NAV2: variants seen among roughly 807,000 people sequenced by gnomAD.
NAV2 encodes the protein neuron navigator 2, also known as helicase, APC down-regulated 1.
In NAV2, 54 loss-of-function variants were observed where a neutral mutation model predicts 223.2. That is an observed-to-expected ratio of 0.24 (90% CI 0.19 to 0.30). NAV2 has a LOEUF of 0.30. NAV2 is among the 10% of genes least tolerant of loss of function. The probability of loss-of-function intolerance (pLI) is 1.00; values close to 1 mark genes in which losing one functional copy is unlikely to be tolerated. For synonymous variants in NAV2, 1,279 were observed against 1,239.3 expected (o/e 1.03, Z -0.67); for missense variants, 2,806 against 3,147.5 (o/e 0.89, Z 2.60).
upstream of NAV2, among the ~76,000 whole-genome samples, chr11:19,347,256 A>G (rs550514436): frequency 1.4e-4 from 22 of 152,354 alleles, no homozygotes; most frequent in Non-Finnish European, 2.9e-4. Flanking sequence ...GGCACCTGGA[A>G]TCCTAAATTG....
At chr11:19,721,856 A>G (rs1331379996) in intron 1 of NAV2, among the ~76,000 whole-genome samples, 1 of 152,234 alleles carries the variant, frequency 6.6e-6, no homozygotes, top group Non-Finnish European at 1.5e-5. Flanking sequence ...GTCAGTAAGT[A>G]ACTTAACTCT....
In NAV2 at chr11:20,045,664, T is replaced by C; in HGVS notation, c.3896T>C (p.Leu1299Pro). The change falls in exon 14 of 38, where the codon CTC becomes CCC. Residue 1299 changes from leucine to proline, a missense_variant. Physicochemically the swap from Leu to Pro is moderately conservative, Grantham distance 98 (BLOSUM62 -3). Coordinates refer to ENST00000349880, the MANE Select transcript of NAV2 (RefSeq NM_145117.5). ...AKYPDVASPT[L>P]RRLFGGKPTK... Reference sequence around the variant, plus strand: ...TACCCAGATGTGGCCTCTCCCACACTCCGCAGGTAAGTGAGTACATAAATG... The same window carrying C: ...TACCCAGATGTGGCCTCTCCCACACCCCGCAGGTAAGTGAGTACATAAATG... 53 of 1,612,554 alleles carry C rather than the reference T, an allele frequency of 3.3e-5. No homozygotes were observed. The highest frequency in any genetic ancestry group is 4.3e-5 in the Non-Finnish European group (51 of 1,178,810).
intron 1 of NAV2, among the ~76,000 whole-genome samples, chr11:19,576,688 C>T (rs1395678006): frequency 2.0e-5 from 3 of 152,212 alleles, no homozygotes; most frequent in Non-Finnish European, 4.4e-5. Flanking sequence ...CCAAAGAGAG[C>T]TCTTAAACCT....
intron 1 of NAV2, chr11:19,760,015 G>A (rs1297753842): frequency 6.5e-6 from 1 of 154,050 alleles, no homozygotes; most frequent in Non-Finnish European, 1.5e-5. Flanking sequence ...AAATACATAG[G>A]TGTTATCCTG....
chr11:19,381,456 C>G (rs962633590), intron 1 of NAV2, among the ~76,000 whole-genome samples: 1 of 152,182 alleles, frequency 6.6e-6, no homozygotes, highest in Non-Finnish European at 1.5e-5. Flanking sequence ...GGGGATCTTT[C>G]AAAATCTGGG....
chr11:20,079,028 T>C (rs2059930464), intron 24 of NAV2, among the ~76,000 whole-genome samples: 1 of 152,184 alleles, frequency 6.6e-6, no homozygotes, highest in Non-Finnish European at 1.5e-5. Flanking sequence ...CTAGTGTTCA[T>C]AGATGAGAGT....
chr11:20,062,143 T>C (rs2058745925), intron 19 of NAV2, among the ~76,000 whole-genome samples, 164 bp from the exon 20 acceptor site: 1 of 152,212 alleles, frequency 6.6e-6, no homozygotes, highest in South Asian at 2.1e-4. Flanking sequence ...AACTATTACT[T>C]ATTTGTCACT....
chr11:20,055,822 A>G lies in NAV2; in HGVS notation c.4696A>G (p.Thr1566Ala), dbSNP rs1177508183. The stretch of plus-strand genomic sequence containing the variant: ...CTTGTCCAACCCGACCATGCTGAGG[A>G]CTCACAGCCTCTCCAATGCTGATGG... ...MSLSNPTMLR[T>A]HSLSNADGQY... Residue 1566 changes from threonine to alanine, a missense_variant, in exon 19 of 38, where the codon ACT (threonine) becomes GCT (alanine). Coordinates refer to ENST00000349880, the MANE Select transcript of NAV2 (RefSeq NM_145117.5). 6.2e-7 allele frequency: 1 copy of G among 1,614,068 alleles called. No individual in the cohort carries two copies.
At chr11:19,883,992 C>A (rs1359351155) in intron 5 of NAV2, among the ~76,000 whole-genome samples, 1 of 152,098 alleles carries the variant, frequency 6.6e-6, no homozygotes, top group Admixed American at 6.6e-5. Context: ...TGTGAGGGAC[C>A]CCATATTTTG....
At chr11:19,548,712 C>CG (rs1226250759) in intron 1 of NAV2, among the ~76,000 whole-genome samples, 9 of 127,002 alleles carry the variant, frequency 7.1e-5, no homozygotes, top group Non-Finnish European at 3.4e-5. Flanking sequence ...ACTAAAGATA[C>CG]AAAAAAAAAA....
intron 1 of NAV2, among the ~76,000 whole-genome samples, chr11:19,580,595 A>C (rs917947362): frequency 2.0e-5 from 3 of 152,206 alleles, no homozygotes; most frequent in Admixed American, 1.3e-4. Flanking sequence ...TGAGTTTTGC[A>C]GGGAATGAAT....
chr11:20,077,411 T>TG (rs1475968031), intron 22 of NAV2, 141 bp from the exon 23 acceptor site: 7 of 607,382 alleles, frequency 1.2e-5, no homozygotes. Flanking sequence ...CAAAGAGTGG[T>TG]GGGGAGTGGG....
At chr11:19,528,050 T>C (rs1296620930) in intron 1 of NAV2, among the ~76,000 whole-genome samples, 2 of 152,118 alleles carry the variant, frequency 1.3e-5, no homozygotes, top group South Asian at 2.1e-4. Flanking sequence ...CCCAGAGCTT[T>C]GTGAAATCAA....
chr11:20,046,128 G>GT (rs1230642076), intron 14 of NAV2, among the ~76,000 whole-genome samples: 1 of 152,138 alleles, frequency 6.6e-6, no homozygotes, highest in Admixed American at 6.5e-5. Context: ...GAGGTCAGGA[G>GT]TTCGAGACCA....
chr11:19,998,409 C>T lies in NAV2; in HGVS notation c.2768+14162C>T, dbSNP rs2052159821. 6.6e-6 allele frequency among the ~76,000 whole-genome samples: 1 copy of T among 152,170 alleles called. No homozygotes were observed. The highest frequency in any genetic ancestry group is 2.1e-4 in the South Asian group (1 of 4,820). On this transcript the variant is annotated intron_variant, in intron 11 of 37. Transcript: ENST00000349880. The surrounding 1 kb of genome is among the most constrained non-coding windows in gnomAD (Gnocchi z 5.0). ...GGCCCACTGTACCCACCAGGGCCTT[C>T]ATGCGGTACGTTCTCCACCCAGAAG...
At chr11:20,088,452 G>A (rs1191056130) in intron 26 of NAV2, among the ~76,000 whole-genome samples, 1 of 152,334 alleles carries the variant, frequency 6.6e-6, no homozygotes, top group Non-Finnish European at 1.5e-5. Context: ...TGGGATTACA[G>A]GCGTGAGCCG....
At chr11:19,521,082 G>A (rs1321724054) in intron 1 of NAV2, among the ~76,000 whole-genome samples, 1 of 152,136 alleles carries the variant, frequency 6.6e-6, no homozygotes. Flanking sequence ...CAGCCATTTG[G>A]CCATGAGGCG....
At chr11:19,577,323 C>T (rs966187316) in intron 1 of NAV2, among the ~76,000 whole-genome samples, 3 of 152,262 alleles carry the variant, frequency 2.0e-5, no homozygotes, top group Non-Finnish European at 4.4e-5. Flanking sequence ...AGATACCTGT[C>T]CTCAGATACC....
At chr11:19,541,990 G>A (rs989834962) in intron 1 of NAV2, among the ~76,000 whole-genome samples, 1 of 152,142 alleles carries the variant, frequency 6.6e-6, no homozygotes, top group East Asian at 1.9e-4. Flanking sequence ...GCACTGATGA[G>A]TCAGTGTCTT....
Sources: allele counts gnomAD v4.1 joint callset (sites outside exome capture counted in the v4.1 genomes callset), GRCh38; gene constraint gnomAD v4.1.1; non-coding constraint Gnocchi (gnomAD v3.1); transcripts MANE v1.5; gene names NCBI Gene and HGNC (gene_info 2026-07-23, HGNC 2026-07-21).